Variants in TEX11 observed in about 807,000 individuals in gnomAD.
TEX11 encodes testis expressed 11.
TEX11 carries 7 observed loss-of-function variants against 84.4 expected under a neutral mutation model. That is an observed-to-expected ratio of 0.08 (90% CI 0.05 to 0.16). The LOEUF is 0.16. TEX11 is among the 10% of genes least tolerant of loss of function. The pLI is 1.00. For missense variants in TEX11, 551 were observed against 660.5 expected, an observed-to-expected ratio of 0.83 and a Z score of 1.82; for synonymous variants, 264 against 222.8, an observed-to-expected ratio of 1.18 and a Z score of -1.64.
intron 17 of TEX11, among the ~76,000 whole-genome samples, chrX:70,633,825 C>T (rs111428166): frequency 0.11 from 12,399 of 110,922 alleles, 590 homozygotes; most frequent in Middle Eastern, 0.2. Flanking sequence ...GGCTGAGGCA[C>T]GAGAATCGTT....
At chrX:70,841,542 T>C (rs1362400675) in intron 7 of TEX11, among the ~76,000 whole-genome samples, 1 of 110,135 alleles carries the variant, frequency 9.1e-6, no homozygotes, top group African/African-American at 3.3e-5. Flanking sequence ...AGATCCAAAA[T>C]TGACACCCTA....
At chrX:70,811,257 T>C (rs1475216378) in intron 8 of TEX11, among the ~76,000 whole-genome samples, 1 of 107,386 alleles carries the variant, frequency 9.3e-6, no homozygotes, top group Non-Finnish European at 1.9e-5. Context: ...TTCTCACCTA[T>C]GAGTGAGAAC....
chrX:70,554,870 C>T, intron 25 of TEX11, 70 bp from the exon 26 acceptor site: 1 of 989,349 alleles, frequency 1.0e-6, no homozygotes, highest in Admixed American at 3.4e-5. Context: ...TGTAATTTCA[C>T]TAACTGGAGA....
intron 24 of TEX11, among the ~76,000 whole-genome samples, chrX:70,605,101 G>T (rs2404186): frequency 0.21 from 22,662 of 110,527 alleles, 1,834 homozygotes; most frequent in African/African-American, 0.24. Context: ...GTCCAAACGC[G>T]TATATAATCA....
intron 2 of TEX11, among the ~76,000 whole-genome samples, chrX:70,892,880 C>CA (rs376618635): frequency 0.021 from 2,220 of 106,441 alleles, 42 homozygotes; most frequent in African/African-American, 0.071. Context: ...AAATGGAAAG[C>CA]AAAAAAAAAG....
At chrX:70,670,570 CAA>C (rs2090013556) in intron 15 of TEX11, 56 bp from the exon 16 acceptor site, 1 of 1,126,322 alleles carries the variant, frequency 8.9e-7, no homozygotes, top group Admixed American at 3.0e-5. Context: ...CTATCTTTCC[CAA>C]GTCACCTCTA....
At chrX:70,726,052 C>T (rs2090597858) in intron 11 of TEX11, among the ~76,000 whole-genome samples, 1 of 112,279 alleles carries the variant, frequency 8.9e-6, no homozygotes, top group Non-Finnish European at 1.9e-5. Context: ...ATTAAAAGGG[C>T]TTGCAAATAT....
intron 9 of TEX11, among the ~76,000 whole-genome samples, chrX:70,801,566 T>C (rs954472171): frequency 1.8e-5 from 2 of 111,626 alleles, no homozygotes; most frequent in South Asian, 3.8e-4. Flanking sequence ...ATTGTCTCCA[T>C]GAATGCTCTC....
chrX:70,657,245 G>T (rs1453704813), intron 16 of TEX11, among the ~76,000 whole-genome samples: 1 of 111,184 alleles, frequency 9.0e-6, no homozygotes, highest in Non-Finnish European at 1.9e-5. Context: ...AAAAGACAGA[G>T]AGAAGCAGAG....
At chrX:70,848,998 T>C (rs7878853) in intron 7 of TEX11, among the ~76,000 whole-genome samples, 8,469 of 111,786 alleles carry the variant, frequency 0.076, 487 homozygotes, top group Admixed American at 0.27. Flanking sequence ...AACACCAAGA[T>C]CTATAGTTAT....
At chrX:70,841,201 C>T (rs1180511701) in intron 7 of TEX11, among the ~76,000 whole-genome samples, 2 of 110,434 alleles carry the variant, frequency 1.8e-5, no homozygotes, top group African/African-American at 6.6e-5. Flanking sequence ...CACACCACAC[C>T]TATTCCAAAA....
chrX:70,787,664 G>A (rs572072602), intron 9 of TEX11, among the ~76,000 whole-genome samples: 1 of 111,516 alleles, frequency 9.0e-6, no homozygotes, highest in East Asian at 2.8e-4. Flanking sequence ...AATATTGGAA[G>A]TCCTCACCAG....
At chrX:70,756,191 G>C (rs1210792010) in intron 9 of TEX11, among the ~76,000 whole-genome samples, 1 of 112,811 alleles carries the variant, frequency 8.9e-6, no homozygotes, top group Non-Finnish European at 1.9e-5. Context: ...GCAGGGCATA[G>C]CAGAACAAAA....
rs1556037145 is a variant in TEX11, at chrX:70,744,241, A to AAATAT, written c.693-23_693-22insATATT. The AAATAT allele has an allele frequency of 2.8e-5, 18 of 634,188 alleles. 1 individual carries two copies. The highest frequency in any genetic ancestry group is 2.8e-4 in the East Asian group (5 of 17,797). 52.3% of individuals were successfully genotyped at this position (634,188 alleles called of 1,213,427 possible). On this transcript the variant is annotated intron_variant, in intron 9 of 29. Coordinates refer to ENST00000374333, the MANE Select transcript of TEX11 (RefSeq NM_031276.3). Reference sequence around the variant, plus strand: ...TTGGCTATCATTAAAAAGGAAAAAAAATATATATATATATATAAACATATA... The same window carrying AAATAT: ...TTGGCTATCATTAAAAAGGAAAAAAAAATATATATATATATATATATAAACATATA...
chrX:70,827,682 C>T (rs1489697855), intron 8 of TEX11, among the ~76,000 whole-genome samples: 1 of 111,830 alleles, frequency 8.9e-6, no homozygotes, highest in Non-Finnish European at 1.9e-5. Context: ...GTGGGAAGGG[C>T]TTTGTATTGT....
chrX:70,692,039 A>C (rs1232349642), intron 13 of TEX11, among the ~76,000 whole-genome samples: 2 of 111,914 alleles, frequency 1.8e-5, no homozygotes, highest in African/African-American at 6.5e-5. Flanking sequence ...GGTTGAAAAT[A>C]AAAGTTTGGA....
chrX:70,633,459 C>T (rs191803889), intron 17 of TEX11, among the ~76,000 whole-genome samples: 1 of 111,783 alleles, frequency 8.9e-6, no homozygotes, highest in Admixed American at 9.5e-5. Context: ...GAATGCTTTC[C>T]CCCTAAAATC....
At chrX:70,841,121 C>T (rs947104737) in intron 7 of TEX11, among the ~76,000 whole-genome samples, 9 of 110,988 alleles carry the variant, frequency 8.1e-5, no homozygotes, top group Admixed American at 5.8e-4. Context: ...AGCTTTGCAC[C>T]AAGCGGACCT....
At chrX:70,521,142 G>A in the TEX11 span, among the ~76,000 whole-genome samples, 1 of 111,179 alleles carries the variant, frequency 9.0e-6, no homozygotes, top group Admixed American at 9.6e-5. Flanking sequence ...TCGGTGGGCT[G>A]CACCCACTGT....
Sources: allele counts gnomAD v4.1 joint callset (sites outside exome capture counted in the v4.1 genomes callset), GRCh38; gene constraint gnomAD v4.1.1; transcripts MANE v1.5; gene names NCBI Gene and HGNC (gene_info 2026-07-23, HGNC 2026-07-21).